Variants in RABGAP1L observed in about 807,000 individuals in gnomAD.
RABGAP1L encodes rab GTPase-activating protein 1-like.
Under a neutral mutation model 137.7 loss-of-function variants are expected in RABGAP1L, and 63 were observed. That is an observed-to-expected ratio of 0.46 (90% CI 0.37 to 0.56). RABGAP1L has a LOEUF of 0.56. Among genes scored for constraint, RABGAP1L ranks in the 20% least tolerant of loss-of-function variants. The pLI is 0.00. For missense variants in RABGAP1L, 1,095 were observed against 1,244.0 expected, an observed-to-expected ratio of 0.88 and a Z score of 1.80; for synonymous variants, 431 against 433.7, an observed-to-expected ratio of 0.99 and a Z score of 0.08.
At chr1:174,416,318 A>G (rs559701834) in intron 13 of RABGAP1L, among the ~76,000 whole-genome samples, 48 of 152,152 alleles carry the variant, frequency 3.2e-4, no homozygotes, top group African/African-American at 1.0e-3. Flanking sequence ...TGCTTGGGCT[A>G]TTCCACAGAA....
intron 15 of RABGAP1L, among the ~76,000 whole-genome samples, chr1:174,694,606 A>T (rs2148506116): frequency 6.6e-6 from 1 of 151,608 alleles, no homozygotes; most frequent in South Asian, 2.1e-4. Flanking sequence ...TCATTGTTGG[A>T]CATTTGGGTT....
chr1:174,416,031 T>TATATATATATATATATATATAG (rs1650536972), intron 13 of RABGAP1L, among the ~76,000 whole-genome samples: 1 of 123,524 alleles, frequency 8.1e-6, no homozygotes, highest in African/African-American at 4.5e-5. Flanking sequence ...TATATATATA[T>TATATATATATATATATATATAG]ATATACACAC....
rs576293220 is a variant in RABGAP1L at position 174,290,518 on chromosome 1, A to G, written c.1323+11739A>G. ...TTGTGCTTCTGGAATTTTTGCAAAG[A>G]TGTTCTTGTATGTAGATAGTTGCTA... On this transcript the variant is annotated intron_variant, in intron 10 of 25. Transcript: ENST00000681986. Among the ~76,000 whole-genome samples, 12 of 152,198 alleles carry G rather than the reference A, an allele frequency of 7.9e-5. No homozygotes were observed. The East Asian group carries it at 1.9e-3, about 24-fold the overall frequency.
chr1:174,676,836 C>T (rs1677663887), intron 14 of RABGAP1L, among the ~76,000 whole-genome samples: 1 of 151,828 alleles, frequency 6.6e-6, no homozygotes, highest in East Asian at 1.9e-4. Flanking sequence ...TAGAATTTTT[C>T]CTTCCTTCCT....
chr1:174,258,479 G>A (rs1192768501), intron 7 of RABGAP1L, among the ~76,000 whole-genome samples: 3 of 152,084 alleles, frequency 2.0e-5, no homozygotes, highest in Non-Finnish European at 4.4e-5. Context: ...GGAGAGATGG[G>A]GGTCTCCCTA....
At chr1:174,760,760 G>C (rs1250206517) in intron 18 of RABGAP1L, among the ~76,000 whole-genome samples, 1 of 152,170 alleles carries the variant, frequency 6.6e-6, no homozygotes, top group Non-Finnish European at 1.5e-5. Context: ...GCTTTCCATG[G>C]TGGCTGAACT....
At chr1:174,292,761 A>C (rs1676751859) in intron 10 of RABGAP1L, among the ~76,000 whole-genome samples, 1 of 152,112 alleles carries the variant, frequency 6.6e-6, no homozygotes, top group South Asian at 2.1e-4. Flanking sequence ...CCATTATGTC[A>C]AGTTCTATAA....
chr1:174,171,169 A>T (rs1665353103), intron 1 of RABGAP1L, among the ~76,000 whole-genome samples: 1 of 152,198 alleles, frequency 6.6e-6, no homozygotes, highest in Non-Finnish European at 1.5e-5. Flanking sequence ...TCCTTCCAAC[A>T]TCAATAATCT....
At chr1:174,690,414 T>C (rs539358761) in intron 15 of RABGAP1L, among the ~76,000 whole-genome samples, 22 of 152,346 alleles carry the variant, frequency 1.4e-4, no homozygotes, top group African/African-American at 5.3e-4. Context: ...ATTTAACTTC[T>C]TTGAACTTCA....
intron 17 of RABGAP1L, 73 bp from the exon 18 acceptor site, chr1:174,752,240 G>A (rs909366998): frequency 3.3e-5 from 34 of 1,045,644 alleles, no homozygotes; most frequent in Middle Eastern, 2.0e-4. Flanking sequence ...AAATATATGT[G>A]GAAGTCTTGG....
intron 7 of RABGAP1L, among the ~76,000 whole-genome samples, chr1:174,255,547 CAA>C (rs1174937916): frequency 6.6e-6 from 1 of 152,110 alleles, no homozygotes; most frequent in Non-Finnish European, 1.5e-5. Context: ...TTTTTTGAGA[CAA>C]AGTCTCGCTC....
intron 19 of RABGAP1L, among the ~76,000 whole-genome samples, chr1:174,927,032 C>T (rs1033251255): frequency 6.6e-6 from 1 of 151,120 alleles, no homozygotes; most frequent in Admixed American, 6.6e-5. Flanking sequence ...GAGATTGCAC[C>T]ACTGCACTCC....
chr1:174,458,029 T>C (rs952849506), intron 13 of RABGAP1L, among the ~76,000 whole-genome samples: 3 of 152,148 alleles, frequency 2.0e-5, no homozygotes, highest in Non-Finnish European at 4.4e-5. Context: ...TATTCTTAAT[T>C]CTGTGTAAGA....
At chr1:174,711,532 C>T (rs1000994558) in intron 17 of RABGAP1L, among the ~76,000 whole-genome samples, 13 of 152,126 alleles carry the variant, frequency 8.5e-5, no homozygotes, top group South Asian at 4.1e-4. Flanking sequence ...TGAGGTGCTT[C>T]GCACCCGGGC....
intron 13 of RABGAP1L, among the ~76,000 whole-genome samples, chr1:174,634,465 A>T (rs1673753099): frequency 7.4e-6 from 1 of 135,426 alleles, no homozygotes; most frequent in Non-Finnish European, 1.6e-5. Context: ...CCATTGTGGA[A>T]GTCAGTGTGG....
chr1:174,726,346 A>G lies in RABGAP1L; in HGVS notation c.2169+24090A>G, dbSNP rs142574482. ...AGTCTCAAAGTCCTGGGTTTATGCA[A>G]TCCTCTCTCCACAGCCTCCCAAGTG... On this transcript the variant is annotated intron_variant, in intron 17 of 25. Transcript: ENST00000681986. Among the ~76,000 whole-genome samples, 13 of 151,986 alleles carry G rather than the reference A, an allele frequency of 8.6e-5. No individual in the cohort carries two copies. In the East Asian group the frequency reaches 2.3e-3, roughly 27 times the overall value.
Position 174,212,021 on chromosome 1 carries a change from G to A in RABGAP1L, c.-33-7104G>A, listed in dbSNP as rs775644083. Among the ~76,000 whole-genome samples the A allele has an allele frequency of 3.3e-5, 5 of 152,062 alleles. No homozygotes were observed. In the South Asian group the frequency reaches 8.3e-4, roughly 25 times the overall value. ...TAAAGAGAGGGATAGACCCAAATACGATAACAGCTGGAAACTTCAACACAT... is the reference window on the plus strand; with the variant it reads ...TAAAGAGAGGGATAGACCCAAATACAATAACAGCTGGAAACTTCAACACAT... On this transcript the variant is annotated intron_variant, in intron 1 of 25. Coordinates refer to ENST00000681986, the MANE Select transcript of RABGAP1L (RefSeq NM_001366446.1).
At chr1:174,862,138 C>T (rs1448080918) in intron 19 of RABGAP1L, among the ~76,000 whole-genome samples, 1 of 152,018 alleles carries the variant, frequency 6.6e-6, no homozygotes, top group Admixed American at 6.6e-5. Context: ...GATAAGGGTC[C>T]AGTTTCATTC....
intron 13 of RABGAP1L, among the ~76,000 whole-genome samples, chr1:174,587,855 GATTT>G (rs201546627): frequency 3.9e-5 from 6 of 151,978 alleles, no homozygotes; most frequent in African/African-American, 7.2e-5. Flanking sequence ...ATACTCTTTA[GATTT>G]ATTTATTTAT....
Sources: gnomAD v4.1 joint callset for allele counts (sites outside exome capture counted in the v4.1 genomes callset) on GRCh38, gnomAD v4.1.1 for gene constraint, MANE v1.5 for transcripts, NCBI Gene and HGNC (gene_info 2026-07-23, HGNC 2026-07-21) for gene names.